Variants in IL1RAPL1 observed in about 807,000 individuals in gnomAD.
IL1RAPL1 encodes the protein interleukin 1 receptor accessory protein like 1, also known as interleukin-1 receptor accessory protein-like 1.
IL1RAPL1 carries 3 observed loss-of-function variants against 48.4 expected under a neutral mutation model. That is an observed-to-expected ratio of 0.06 (90% CI 0.03 to 0.16). The LOEUF (loss-of-function observed/expected upper bound fraction) is 0.16. IL1RAPL1 is among the 10% of genes least tolerant of loss of function. The probability of loss-of-function intolerance (pLI) is 1.00; values close to 1 mark genes in which losing one functional copy is unlikely to be tolerated. For missense variants in IL1RAPL1, 349 were observed against 530.6 expected (o/e 0.66, Z 3.36); for synonymous variants, 185 against 187.7 (o/e 0.99, Z 0.12).
chrX:29,480,317 T>TATATATATGC (rs1556020665), intron 5 of IL1RAPL1, among the ~76,000 whole-genome samples: 1 of 101,104 alleles, frequency 9.9e-6, no homozygotes, highest in African/African-American at 3.7e-5. Context: ...TATATATATA[T>TATATATATGC]GCATACCTTT....
chrX:29,155,295 A>T (rs1322740506), intron 2 of IL1RAPL1, among the ~76,000 whole-genome samples: 2 of 112,059 alleles, frequency 1.8e-5, no homozygotes, highest in African/African-American at 6.5e-5. Context: ...TACGGGCATG[A>T]GCCACCATGC....
chrX:28,803,508 G>T (rs1936696893), intron 2 of IL1RAPL1, among the ~76,000 whole-genome samples: 1 of 111,791 alleles, frequency 8.9e-6, no homozygotes, highest in Admixed American at 9.5e-5. Context: ...TTATTGGTCG[G>T]CAATGTTTTG....
chrX:28,610,460 C>T (rs892645565), intron 1 of IL1RAPL1, among the ~76,000 whole-genome samples: 6 of 112,285 alleles, frequency 5.3e-5, no homozygotes, highest in Non-Finnish European at 1.1e-4. Flanking sequence ...GAATGCATTC[C>T]GGTGCCAATA....
rs564140309 is a variant in IL1RAPL1, at chrX:29,506,210, A to G, written c.703+106902A>G. Among the ~76,000 whole-genome samples, 6 of 112,354 alleles carry G rather than the reference A, an allele frequency of 5.3e-5. No homozygotes were observed. In the South Asian group the frequency reaches 2.2e-3, roughly 41 times the overall value. ...GTATTCTTGTTCAGAGAGTTCACAT[A>G]TCACCATCTCATTAAGGTCGGTTAC... On this transcript the variant is annotated intron_variant, in intron 5 of 10. Transcript: ENST00000378993.
At chrX:29,718,228 A>G (rs1927534870) in intron 6 of IL1RAPL1, among the ~76,000 whole-genome samples, 1 of 111,202 alleles carries the variant, frequency 9.0e-6, no homozygotes, top group Admixed American at 9.6e-5. Context: ...CGATAAAGCT[A>G]CAGAATGTGC....
intron 1 of IL1RAPL1, among the ~76,000 whole-genome samples, chrX:28,740,595 G>A (rs1160234129): frequency 9.0e-6 from 1 of 110,751 alleles, no homozygotes; most frequent in Admixed American, 9.7e-5. Context: ...GTGTAAAAAT[G>A]ATTTGTCACC....
chrX:28,945,899 A>ATGTG (rs1260386957), intron 2 of IL1RAPL1, among the ~76,000 whole-genome samples: 1 of 94,763 alleles, frequency 1.1e-5, no homozygotes, highest in African/African-American at 4.0e-5. Context: ...ATATATATAT[A>ATGTG]TATATGTGTG....
intron 2 of IL1RAPL1, among the ~76,000 whole-genome samples, chrX:28,997,754 G>A (rs1008581950): frequency 9.0e-6 from 1 of 111,475 alleles, no homozygotes; most frequent in African/African-American, 3.3e-5. Context: ...TTCTGAAAAT[G>A]TTGAGTTCCT....
At chrX:28,768,179 A>G (rs1378213735) in intron 1 of IL1RAPL1, among the ~76,000 whole-genome samples, 2 of 111,687 alleles carry the variant, frequency 1.8e-5, no homozygotes, top group Admixed American at 9.6e-5. Context: ...GTTTCGTTGG[A>G]GTTCTAACTA....
In IL1RAPL1 at chrX:29,547,825, G is replaced by A. The variant is rs1429135977; in HGVS notation, c.704-120605G>A. ...TTAATTGTGATCAATAATCTGTGTC[G>A]AGAACAAGTTTTTGTTAATTCTAGA... On this transcript the variant is annotated intron_variant, in intron 5 of 10. Transcript: ENST00000378993. 4.5e-5 allele frequency among the ~76,000 whole-genome samples: 5 copies of A among 111,962 alleles called. No homozygotes were observed. In the East Asian group the frequency reaches 8.4e-4, roughly 19 times the overall value.
At chrX:29,386,038 A>C (rs1933772575) in intron 3 of IL1RAPL1, among the ~76,000 whole-genome samples, 1 of 111,540 alleles carries the variant, frequency 9.0e-6, no homozygotes, top group African/African-American at 3.3e-5. Context: ...TTTTTTAATT[A>C]TTGTCTTTTG....
chrX:29,770,594 C>A (rs1448848251), intron 6 of IL1RAPL1, among the ~76,000 whole-genome samples: 1 of 111,878 alleles, frequency 8.9e-6, no homozygotes, highest in African/African-American at 3.2e-5. Flanking sequence ...GAAATAAAGG[C>A]ACATAGAGGC....
intron 5 of IL1RAPL1, among the ~76,000 whole-genome samples, chrX:29,566,442 T>A (rs1386908825): frequency 1.8e-5 from 2 of 110,061 alleles, no homozygotes; most frequent in Non-Finnish European, 3.8e-5. Context: ...AAAAAAAAAA[T>A]TAAAACACAA....
At chrX:29,513,340 A>G (rs749092929) in intron 5 of IL1RAPL1, among the ~76,000 whole-genome samples, 14 of 111,653 alleles carry the variant, frequency 1.3e-4, no homozygotes, top group South Asian at 3.7e-4. Context: ...TTAACAATGC[A>G]TTCTGAACAC....
At chrX:29,183,205 A>G (rs1444178442) in intron 2 of IL1RAPL1, among the ~76,000 whole-genome samples, 1 of 111,567 alleles carries the variant, frequency 9.0e-6, no homozygotes, top group East Asian at 2.8e-4. Context: ...AAAGAAACCA[A>G]ATATTTCTAT....
intron 8 of IL1RAPL1, among the ~76,000 whole-genome samples, chrX:29,931,664 A>G (rs1429606390): frequency 8.9e-6 from 1 of 112,556 alleles, no homozygotes; most frequent in Non-Finnish European, 1.9e-5. Context: ...GAAGAGTTCA[A>G]TATTTCTGTA....
intron 2 of IL1RAPL1, among the ~76,000 whole-genome samples, chrX:29,229,398 AT>A (rs768329192): frequency 2.1e-3 from 227 of 110,531 alleles, no homozygotes; most frequent in African/African-American, 6.8e-3. Context: ...CTGTATGATA[AT>A]TTTTAAAAAA....
intron 5 of IL1RAPL1, among the ~76,000 whole-genome samples, chrX:29,576,928 A>G (rs1223376261): frequency 1.8e-5 from 2 of 111,213 alleles, no homozygotes; most frequent in Non-Finnish European, 3.8e-5. Context: ...AAATTTTTCT[A>G]CTTCAAGGGC....
At chrX:29,750,465 G>GA (rs756506627) in intron 6 of IL1RAPL1, among the ~76,000 whole-genome samples, 3 of 110,409 alleles carry the variant, frequency 2.7e-5, no homozygotes, top group African/African-American at 3.3e-5. Flanking sequence ...ATAATTTTGA[G>GA]AAAAAAAATC....
Sources: allele counts gnomAD v4.1 joint callset (sites outside exome capture counted in the v4.1 genomes callset), GRCh38; gene constraint gnomAD v4.1.1; transcripts MANE v1.5; gene names NCBI Gene and HGNC (gene_info 2026-07-23, HGNC 2026-07-21).